PHF3: variants seen among roughly 807,000 people sequenced by gnomAD.
PHF3 encodes the protein PHD finger protein 3.
A neutral mutation model predicts 178.4 loss-of-function variants in PHF3; 41 were observed. The observed-to-expected ratio is 0.23, with a 90% CI of 0.18 to 0.30. PHF3 has a LOEUF of 0.30. Among genes scored for constraint, PHF3 ranks in the 10% least tolerant of loss-of-function variants. The pLI, the probability that PHF3 is intolerant of heterozygous loss-of-function variation, is 1.00. For synonymous variants in PHF3, 842 were observed against 800.5 expected (o/e 1.05, Z -0.88); for missense variants, 2,346 against 2,398.1 (o/e 0.98, Z 0.45).
At position 63,720,571 on chromosome 6, in the gene PHF3, G is replaced by T. The variant is rs1275081374; in HGVS notation, c.*6863G>T. On this transcript the variant is annotated 3_prime_UTR_variant, in exon 16 of 16. Coordinates refer to ENST00000262043, the MANE Select transcript of PHF3 (RefSeq NM_001370348.2). ...CAAAATAACTGCATTTATGTATAGTGTGTACTAAAATCTCTAGTGTTAACT... is the reference window on the plus strand; with the variant it reads ...CAAAATAACTGCATTTATGTATAGTTTGTACTAAAATCTCTAGTGTTAACT... The T allele has an allele frequency of 4.2e-6, 6 of 1,422,178 alleles. No homozygotes were observed. The highest frequency in any genetic ancestry group is 5.6e-6 in the Non-Finnish European group (6 of 1,070,710). The allele number at this position is 1,422,178 out of a possible 1,614,324, so 88.1% of individuals were successfully genotyped here. A position where few individuals can be genotyped will look rare whatever the true frequency, so the allele number is the denominator to read the frequency against.
chr6:63,644,044 G>C (rs1764682683), intron 1 of PHF3, among the ~76,000 whole-genome samples: 1 of 152,224 alleles, frequency 6.6e-6, no homozygotes, highest in South Asian at 2.1e-4. Context: ...ACAGCATATA[G>C]TTGGTACAAC....
At chr6:63,682,456 C>G (rs1766480224) in intron 3 of PHF3, among the ~76,000 whole-genome samples, 1 of 152,046 alleles carries the variant, frequency 6.6e-6, no homozygotes. Flanking sequence ...CTGGTTTTTC[C>G]TCTCTCGTTC....
chr6:63,709,771 C>A (rs2149609932), intron 14 of PHF3, among the ~76,000 whole-genome samples: 1 of 152,290 alleles, frequency 6.6e-6, no homozygotes, highest in East Asian at 1.9e-4. Flanking sequence ...GCTAGGGAGG[C>A]TGGGAAATGT....
Position 63,711,888 on chromosome 6 carries a change from C to T in PHF3, c.4300C>T (p.Gln1434Ter). ...TGAACCTTTAATGGAAGTCACCAAA[C>T]AGGAGCCACCAAAACCTTTAAGATT... ...AVEPLMEVTK[Q>*]EPPKPLRFLP... Residue 1434 changes from glutamine to a stop codon, truncating the protein, a stop_gained, in exon 16 of 16, where the codon CAG (glutamine) becomes TAG (stop). Coordinates refer to ENST00000262043, the MANE Select transcript of PHF3 (RefSeq NM_001370348.2). LOFTEE classifies it high-confidence loss of function. The T allele has an allele frequency of 6.2e-7, 1 of 1,614,004 alleles. No individual in the cohort carries two copies. Among genetic ancestry groups the T allele is most frequent in the Non-Finnish European group, 8.5e-7 (1 of 1,179,930 alleles).
At position 63,713,235 on chromosome 6, in the gene PHF3, A is replaced by G. The variant is rs924636572; in HGVS notation, c.5647A>G (p.Asn1883Asp). 8 of 1,614,036 alleles carry G rather than the reference A, an allele frequency of 5.0e-6. No homozygotes were observed. Among genetic ancestry groups the G allele is most frequent in the Non-Finnish European group, 6.8e-6 (8 of 1,179,976 alleles). Residue 1883 changes from asparagine to aspartate, a missense_variant, in exon 16 of 16, where the codon AAT (asparagine) becomes GAT (aspartate). Physicochemically the swap from Asn to Asp is conservative, Grantham distance 23 (BLOSUM62 1). Around this residue, in one of 8 missense-constraint regions of PHF3, gnomAD observed 839 missense variants for 806.9 expected, o/e 1.04. Coordinates refer to ENST00000262043, the MANE Select transcript of PHF3 (RefSeq NM_001370348.2). ...SQASRYIGPQ[N>D]FYQVKDIRRP... ...AGCATCAAGGTATATAGGCCCGCAG[A>G]ATTTTTACCAGGTTAAAGACATTCG...
chr6:63,656,604 G>A (rs1415397288), intron 2 of PHF3, among the ~76,000 whole-genome samples: 1 of 152,122 alleles, frequency 6.6e-6, no homozygotes, highest in Non-Finnish European at 1.5e-5. Context: ...AGCCCCCTGA[G>A]TTTGTCATTT....
chr6:63,699,305 G>A (rs1767371785), intron 8 of PHF3, among the ~76,000 whole-genome samples: 1 of 152,170 alleles, frequency 6.6e-6, no homozygotes, highest in African/African-American at 2.4e-5. Flanking sequence ...TCTCTTGTGT[G>A]TGACATTTAC....
chr6:63,691,069 A>G (rs960490833), intron 4 of PHF3, among the ~76,000 whole-genome samples: 4 of 152,182 alleles, frequency 2.6e-5, no homozygotes, highest in Non-Finnish European at 4.4e-5. Context: ...TCTAAAACAC[A>G]TGGTCATTAG....
chr6:63,678,242 C>CA (rs1200186526), intron 2 of PHF3, among the ~76,000 whole-genome samples: 3 of 150,108 alleles, frequency 2.0e-5, no homozygotes, highest in Non-Finnish European at 3.0e-5. Flanking sequence ...GAAAAAAAAA[C>CA]AAAAAACAAC....
At chr6:63,694,386 G>A (rs1003872546) in intron 5 of PHF3, among the ~76,000 whole-genome samples, 195 bp from the exon 6 acceptor site, 1 of 152,046 alleles carries the variant, frequency 6.6e-6, no homozygotes, top group African/African-American at 2.4e-5. Flanking sequence ...TAATGGTATT[G>A]GGAACATGAT....
At chr6:63,651,753 A>G (rs1230678655) in intron 2 of PHF3, among the ~76,000 whole-genome samples, 5 of 151,940 alleles carry the variant, frequency 3.3e-5, no homozygotes, top group Admixed American at 6.6e-5. Flanking sequence ...TGTACTGTCT[A>G]CTTGTGTGAG....
chr6:63,662,035 A>ATTAGATTT (rs1240613424), intron 2 of PHF3, among the ~76,000 whole-genome samples: 1 of 152,170 alleles, frequency 6.6e-6, no homozygotes, highest in Non-Finnish European at 1.5e-5. Context: ...CAGCGGTGGC[A>ATTAGATTT]TTAGATTTTC....
chr6:63,708,779 T>C (rs1305349247), intron 13 of PHF3, among the ~76,000 whole-genome samples: 1 of 152,218 alleles, frequency 6.6e-6, no homozygotes, highest in East Asian at 1.9e-4. Flanking sequence ...GGAATTTTCC[T>C]GCCTACTGCT....
rs1460622076 is a variant in PHF3 at position 63,717,952 on chromosome 6, A to C, written c.*4244A>C. Among the ~76,000 whole-genome samples, 1 of 152,050 alleles carries C rather than the reference A, an allele frequency of 6.6e-6. No individual in the cohort carries two copies. Among genetic ancestry groups the C allele is most frequent in the East Asian group, 1.9e-4 (1 of 5,196 alleles). On this transcript the variant is annotated 3_prime_UTR_variant, in exon 16 of 16. Transcript: ENST00000262043. ...GAGAAACCTCATACATTTATAGTAA[A>C]ATCTTAAAGGTCTTTCTGTAGCCAA...
Position 63,706,725 on chromosome 6 carries a change from C to G in PHF3, c.3564-4C>G, listed in dbSNP as rs1767709974. On this transcript the variant is annotated splice_polypyrimidine_tract_variant and splice_region_variant and intron_variant, in intron 12 of 15. Transcript: ENST00000262043. ...TCTTTAGGCTTTTTAATGTCATTTTCTAGTCCAGAGATGCCTGGAACTGTT... is the reference window on the plus strand; with the variant it reads ...TCTTTAGGCTTTTTAATGTCATTTTGTAGTCCAGAGATGCCTGGAACTGTT... 6.2e-7 allele frequency: 1 copy of G among 1,611,938 alleles called. No homozygotes were observed. Among genetic ancestry groups the G allele is most frequent in the African/African-American group, 1.3e-5 (1 of 74,804 alleles).
Position 63,694,671 on chromosome 6 carries a change from GT to G in PHF3, c.2591del (p.Leu864TyrfsTer38). 6.2e-7 allele frequency: 1 copy of G among 1,601,916 alleles called. No homozygotes were observed. Among genetic ancestry groups the G allele is most frequent in the South Asian group, 1.1e-5 (1 of 89,326 alleles). On this transcript the variant is annotated frameshift_variant, in exon 6 of 16. Coordinates refer to ENST00000262043, the MANE Select transcript of PHF3 (RefSeq NM_001370348.2). LOFTEE classifies it high-confidence loss of function. ...TCCTCTTCGTAAGATGGGACAACCAGTTTTACCTCGGAGATCCTCAGAAGAA... is the reference window on the plus strand; with the variant it reads ...TCCTCTTCGTAAGATGGGACAACCAGTTTACCTCGGAGATCCTCAGAAGAA... ...LAPLRKMGQP[V>X]LPRRSSEEKS...
intron 2 of PHF3, among the ~76,000 whole-genome samples, chr6:63,663,164 T>C (rs572733986): frequency 2.0e-5 from 3 of 152,156 alleles, no homozygotes; most frequent in Non-Finnish European, 2.9e-5. Flanking sequence ...AATAATAAAA[T>C]CTCTAAGGTC....
chr6:63,675,811 G>A (rs1766140057), intron 2 of PHF3, among the ~76,000 whole-genome samples: 1 of 151,978 alleles, frequency 6.6e-6, no homozygotes, highest in Non-Finnish European at 1.5e-5. Context: ...TCCCTCTTCT[G>A]TCCCCTTCCT....
At chr6:63,669,047 G>T (rs376761425) in intron 2 of PHF3, among the ~76,000 whole-genome samples, 2 of 152,182 alleles carry the variant, frequency 1.3e-5, no homozygotes, top group African/African-American at 4.8e-5. Flanking sequence ...TCTTAAGGCT[G>T]AATGTTGATC....
Sources: allele counts gnomAD v4.1 joint callset (sites outside exome capture counted in the v4.1 genomes callset), GRCh38; gene constraint gnomAD v4.1.1; regional missense constraint gnomAD v4.1.1; transcripts MANE v1.5; gene names NCBI Gene and HGNC (gene_info 2026-07-23, HGNC 2026-07-21).